Variants in ATP2B3 observed in about 807,000 individuals in gnomAD.
ATP2B3 encodes the protein plasma membrane calcium-transporting ATPase 3.
In ATP2B3, 12 loss-of-function variants were observed where a neutral mutation model predicts 70.8. The observed-to-expected ratio is 0.17, with a 90% CI of 0.11 to 0.27. The LOEUF (loss-of-function observed/expected upper bound fraction) is 0.27. Ranked by LOEUF, ATP2B3 falls within the 10% of genes least tolerant of loss-of-function variation. The pLI is 1.00. For missense variants in ATP2B3, 858 were observed against 1,118.5 expected (o/e 0.77, Z 3.32); for synonymous variants, 460 against 497.8 (o/e 0.92, Z 1.01).
rs188303180 is a variant in ATP2B3, at chrX:153,558,836, G to C, written c.2625+533G>C. 1.3e-3 allele frequency among the ~76,000 whole-genome samples: 149 copies of C among 111,662 alleles called. 1 individual carries two copies. The South Asian group carries it at 0.033, about 25-fold the overall frequency. ...GTCTGCCCTGATGGACACATGGCTCGTTCCCACTTTTTGGCTCTTGTGAAT... is the reference window on the plus strand; with the variant it reads ...GTCTGCCCTGATGGACACATGGCTCCTTCCCACTTTTTGGCTCTTGTGAAT... On this transcript the variant is annotated intron_variant, in intron 17 of 21. Transcript: ENST00000263519.
intron 20 of ATP2B3, among the ~76,000 whole-genome samples, chrX:153,564,123 C>T (rs2090666739): frequency 8.9e-6 from 1 of 112,705 alleles, no homozygotes; most frequent in East Asian, 2.8e-4. Flanking sequence ...ACCTCCCACC[C>T]TCTCTAGCCC....
At chrX:153,576,487 A>G (rs953467288) in intron 21 of ATP2B3, among the ~76,000 whole-genome samples, 2 of 111,964 alleles carry the variant, frequency 1.8e-5, no homozygotes, top group African/African-American at 3.3e-5. Context: ...TGGAGCACTG[A>G]TAAGAGTCCT....
rs2090425651 is a variant in ATP2B3 at position 153,549,608 on chromosome X, A to G, written c.1450A>G (p.Thr484Ala). 8.3e-7 allele frequency: 1 copy of G among 1,211,034 alleles called. No individual in the cohort carries two copies. Among genetic ancestry groups the G allele is most frequent in the Non-Finnish European group, 1.1e-6 (1 of 895,414 alleles). The change falls in exon 11 of 22, where the codon ACC becomes GCC. Residue 484 changes from threonine to alanine, a missense_variant. By Grantham distance (58) the Thr-to-Ala change is moderately conservative (BLOSUM62 0). This residue lies in a region of ATP2B3 where 23 missense variants were observed against 59.0 expected (regional missense o/e 0.39). Coordinates refer to ENST00000263519, the MANE Select transcript of ATP2B3 (RefSeq NM_001001344.3). Reference protein sequence around the residue: ...KTGTLTTNRMTVVQSYLGDTH... With the variant: ...KTGTLTTNRMAVVQSYLGDTH... ...GGGCACGCTCACCACCAACCGTATG[A>G]CCGTGGTCCAGTCCTACCTAGGAGA...
chrX:153,559,835 G>A lies in ATP2B3; in HGVS notation c.2732G>A (p.Arg911Gln), dbSNP rs1160033001. The change falls in exon 18 of 22, where the codon CGG becomes CAG. Residue 911 changes from arginine to glutamine, a missense_variant. Physicochemically the swap from Arg to Gln is conservative, Grantham distance 43 (BLOSUM62 1). Coordinates refer to ENST00000263519, the MANE Select transcript of ATP2B3 (RefSeq NM_001001344.3). ...CCACCCACAGAGTCGCTGCTGCTGC[G>A]GAAGCCGTACGGCCGCGACAAGCCC... ...TEPPTESLLL[R>Q]KPYGRDKPLI... The A allele has an allele frequency of 1.3e-5, 16 of 1,210,293 alleles. No individual in the cohort carries two copies. Among genetic ancestry groups the A allele is most frequent in the East Asian group, 3.0e-5 (1 of 33,782 alleles).
intron 13 of ATP2B3, among the ~76,000 whole-genome samples, chrX:153,553,695 C>T (rs782736519): frequency 2.0e-4 from 23 of 112,639 alleles, no homozygotes; most frequent in African/African-American, 7.1e-4. Context: ...CAGCAAAGGT[C>T]CTGGCGGGAA....
chrX:153,546,944 G>C (rs886104511), intron 8 of ATP2B3, among the ~76,000 whole-genome samples: 2 of 112,520 alleles, frequency 1.8e-5, no homozygotes, highest in Admixed American at 9.3e-5. Context: ...ATTGTGTCCT[G>C]ACGCCACTGG....
At chrX:153,562,097 G>T (rs781948586) in intron 19 of ATP2B3, 38 bp from the exon 20 acceptor site, 1 of 1,172,300 alleles carries the variant, frequency 8.5e-7, no homozygotes, top group Admixed American at 2.2e-5. Context: ...CTCAGGAGCC[G>T]CGGCTGGACC....
At chrX:153,573,513 G>T (rs1193613711) in intron 21 of ATP2B3, among the ~76,000 whole-genome samples, 1 of 112,716 alleles carries the variant, frequency 8.9e-6, no homozygotes, top group African/African-American at 3.2e-5. Flanking sequence ...TCCCCCAAGA[G>T]CCCTGCCCTA....
intron 3 of ATP2B3, among the ~76,000 whole-genome samples, chrX:153,538,121 G>A (rs1192556445): frequency 1.8e-5 from 2 of 113,055 alleles, no homozygotes; most frequent in African/African-American, 3.2e-5. Context: ...GGCTTGAGCT[G>A]TCTGGGTGCC....
intron 8 of ATP2B3, among the ~76,000 whole-genome samples, chrX:153,547,342 G>C (rs900190964): frequency 1.1e-4 from 12 of 111,150 alleles, no homozygotes; most frequent in African/African-American, 3.9e-4. Context: ...GGAGAGGCAG[G>C]GAGGGTGCTG....
intron 2 of ATP2B3, among the ~76,000 whole-genome samples, chrX:153,526,276 A>G (rs782122831): frequency 2.1e-4 from 23 of 111,342 alleles, no homozygotes; most frequent in Non-Finnish European, 4.3e-4. Flanking sequence ...ATGACAGATG[A>G]TGATAAGAGG....
intron 5 of ATP2B3, 85 bp from the exon 6 acceptor site, chrX:153,542,238 C>T (rs1483829968): frequency 1.3e-5 from 15 of 1,154,240 alleles, no homozygotes; most frequent in African/African-American, 3.6e-5. Flanking sequence ...CTTTCCCAGG[C>T]GGCCCATGGC....
Position 153,553,066 on chromosome X carries a change from C to G in ATP2B3, c.1855C>G (p.Leu619Val). 1 of 1,208,208 alleles carries G rather than the reference C, an allele frequency of 8.3e-7. No homozygotes were observed. Among genetic ancestry groups the G allele is most frequent in the South Asian group, 1.8e-5 (1 of 56,895 alleles). Residue 619 changes from leucine (L) to valine (V), a missense_variant, in exon 13 of 22, where the codon CTC becomes GTC. By Grantham distance (32) the Leu-to-Val change is conservative. Around this residue, in one of 5 missense-constraint regions of ATP2B3, gnomAD observed 242 missense variants for 281.3 expected, o/e 0.86. Coordinates refer to ENST00000263519, the MANE Select transcript of ATP2B3 (RefSeq NM_001001344.3). ...CAACATCTTGAACAGCAATGGCGAA[C>G]TCCGGGGCTTTCGGCCTCGGGACCG... ...CTNILNSNGELRGFRPRDRDD... is the reference protein window; with the variant it reads ...CTNILNSNGEVRGFRPRDRDD...
chrX:153,546,154 C>T, intron 8 of ATP2B3, 25 bp downstream of exon 8: 1 of 1,209,428 alleles, frequency 8.3e-7, no homozygotes, highest in Non-Finnish European at 1.1e-6. Context: ...TGCTTGGGCA[C>T]AACAAGCTTG....
chrX:153,579,328 T>C (rs1557022073), intron 21 of ATP2B3, among the ~76,000 whole-genome samples: 1 of 112,396 alleles, frequency 8.9e-6, no homozygotes, highest in Non-Finnish European at 1.9e-5. Flanking sequence ...CCAGTGGAGT[T>C]AGCCGCAGGG....
At chrX:153,566,259 C>T (rs2090705774) in intron 21 of ATP2B3, among the ~76,000 whole-genome samples, 1 of 112,647 alleles carries the variant, frequency 8.9e-6, no homozygotes, top group African/African-American at 3.2e-5. Context: ...GTTGCAATGC[C>T]CCTGACATGG....
intron 14 of ATP2B3, 30 bp from the exon 15 acceptor site, chrX:153,556,301 C>T: frequency 8.3e-7 from 1 of 1,204,097 alleles, no homozygotes; most frequent in Non-Finnish European, 1.1e-6. Flanking sequence ...CGCCTTAGCT[C>T]TGCAGCGTCC....
chrX:153,531,456 C>T (rs540849587), intron 2 of ATP2B3, among the ~76,000 whole-genome samples: 27 of 113,390 alleles, frequency 2.4e-4, no homozygotes, highest in African/African-American at 7.7e-4. Flanking sequence ...TGAGTCACGT[C>T]GCTGAGTGAT....
intron 3 of ATP2B3, among the ~76,000 whole-genome samples, chrX:153,539,172 G>A (rs2090240070): frequency 8.9e-6 from 1 of 112,530 alleles, no homozygotes; most frequent in Non-Finnish European, 1.9e-5. Flanking sequence ...AATTCCAGGA[G>A]ACAGTCCCAG....
Sources: allele counts gnomAD v4.1 joint callset (sites outside exome capture counted in the v4.1 genomes callset), GRCh38; gene constraint gnomAD v4.1.1; regional missense constraint gnomAD v4.1.1; transcripts MANE v1.5; gene names NCBI Gene and HGNC (gene_info 2026-07-23, HGNC 2026-07-21).